SLC24A2: variants seen among roughly 807,000 people sequenced by gnomAD.
The protein encoded by SLC24A2 is sodium/potassium/calcium exchanger 2.
In SLC24A2, 36 loss-of-function variants were observed where a neutral mutation model predicts 62.0. The ratio of observed to expected loss-of-function variants is 0.58; its 90% CI spans 0.44 to 0.77. The LOEUF (loss-of-function observed/expected upper bound fraction) is 0.77, where lower values mean the gene tolerates loss of function less well. SLC24A2 is among the 30% of genes least tolerant of loss of function. The probability of loss-of-function intolerance (pLI) is 0.00; values close to 1 mark genes in which losing one functional copy is unlikely to be tolerated. For missense variants in SLC24A2, 846 were observed against 817.9 expected (o/e 1.03, Z -0.42); for synonymous variants, 358 against 294.0 (o/e 1.22, Z -2.23).
the SLC24A2 span, among the ~76,000 whole-genome samples, chr9:20,115,287 C>A: frequency 6.6e-6 from 1 of 152,066 alleles, no homozygotes; most frequent in African/African-American, 2.4e-5. Flanking sequence ...ACTTTAATTT[C>A]TTCTTTGGTG....
intron 2 of SLC24A2, among the ~76,000 whole-genome samples, chr9:19,664,905 T>A (rs1341391530): frequency 6.6e-6 from 1 of 152,220 alleles, no homozygotes; most frequent in African/African-American, 2.4e-5. Context: ...GATGTCAGAC[T>A]TCTAGCCTAC....
the SLC24A2 span, among the ~76,000 whole-genome samples, chr9:20,249,803 A>C: frequency 2.6e-5 from 4 of 151,992 alleles, no homozygotes; most frequent in African/African-American, 9.7e-5. Flanking sequence ...TATTATTTAT[A>C]ATTGGAAGTG....
intron 2 of SLC24A2, among the ~76,000 whole-genome samples, chr9:19,721,709 G>T (rs1384234641): frequency 2.0e-5 from 3 of 152,094 alleles, no homozygotes; most frequent in African/African-American, 7.2e-5. Context: ...ACTTTCTAAT[G>T]AAACAGTTCT....
chr9:19,550,113 C>T (rs374212191), intron 8 of SLC24A2, 24 bp downstream of exon 8: 1 of 1,611,220 alleles, frequency 6.2e-7, no homozygotes. Flanking sequence ...TACAAGGGAA[C>T]TATTTTTAAA....
At chr9:19,852,192 A>G in the SLC24A2 span, among the ~76,000 whole-genome samples, 1 of 151,970 alleles carries the variant, frequency 6.6e-6, no homozygotes, top group East Asian at 1.9e-4. Context: ...TTTCTTGTAA[A>G]TTTGTTTAAG....
the SLC24A2 span, among the ~76,000 whole-genome samples, chr9:20,097,720 A>ATTTTTTTTTTTTTTTTTTTTTTTTT: frequency 1.4e-5 from 1 of 69,114 alleles, no homozygotes; most frequent in Non-Finnish European, 2.7e-5. Flanking sequence ...ATCTTAAATA[A>ATTTTTTTTTTTTTTTTTTTTTTTTT]TTTTTTTTTT....
chr9:19,842,230 T>A, the SLC24A2 span, among the ~76,000 whole-genome samples: 4 of 152,226 alleles, frequency 2.6e-5, no homozygotes, highest in Non-Finnish European at 5.9e-5. Flanking sequence ...CATCATGGAT[T>A]TCTGTACAGT....
At chr9:20,102,766 C>T in the SLC24A2 span, among the ~76,000 whole-genome samples, 11 of 151,988 alleles carry the variant, frequency 7.2e-5, no homozygotes, top group African/African-American at 1.7e-4. Context: ...CCAGCATGAG[C>T]GACACAGAAG....
chr9:20,053,283 A>C, the SLC24A2 span, among the ~76,000 whole-genome samples: 2 of 151,974 alleles, frequency 1.3e-5, no homozygotes, highest in African/African-American at 2.4e-5. Flanking sequence ...TGCCTGTGCT[A>C]CCTCCTTGGA....
chr9:19,638,650 G>A (rs1447968133), intron 2 of SLC24A2, among the ~76,000 whole-genome samples: 1 of 152,134 alleles, frequency 6.6e-6, no homozygotes, highest in Admixed American at 6.6e-5. Flanking sequence ...ATTTTAAAGA[G>A]TCCTGACTCT....
intron 7 of SLC24A2, among the ~76,000 whole-genome samples, chr9:19,567,136 A>T (rs1835686813): frequency 1.3e-5 from 2 of 150,598 alleles, no homozygotes; most frequent in African/African-American, 4.9e-5. Context: ...AAAAGAACTT[A>T]AAGTATAATA....
chr9:19,559,175 C>A (rs1835270414), intron 7 of SLC24A2, among the ~76,000 whole-genome samples: 1 of 152,078 alleles, frequency 6.6e-6, no homozygotes, highest in East Asian at 1.9e-4. Flanking sequence ...AAAATAATTT[C>A]TTCAAAGACA....
intron 2 of SLC24A2, among the ~76,000 whole-genome samples, chr9:19,731,400 A>C (rs78520760): frequency 0.021 from 3,268 of 152,294 alleles, 121 homozygotes; most frequent in African/African-American, 0.075. Flanking sequence ...ATTTGAAGAT[A>C]GTATAAAGAA....
the SLC24A2 span, among the ~76,000 whole-genome samples, chr9:19,989,630 T>C: frequency 5.9e-5 from 9 of 152,180 alleles, no homozygotes; most frequent in Non-Finnish European, 1.3e-4. Flanking sequence ...TTATAGTTCT[T>C]CCCTTGCTGC....
At chr9:19,689,095 T>C (rs867760469) in intron 2 of SLC24A2, among the ~76,000 whole-genome samples, 6 of 152,164 alleles carry the variant, frequency 3.9e-5, no homozygotes, top group Non-Finnish European at 7.4e-5. Flanking sequence ...CTTTTATTAT[T>C]TCATCACATT....
chr9:19,680,069 GTACT>G (rs1819676369), intron 2 of SLC24A2, among the ~76,000 whole-genome samples: 1 of 152,084 alleles, frequency 6.6e-6, no homozygotes, highest in African/African-American at 2.4e-5. Context: ...CACATACTAA[GTACT>G]TACTGTGTGC....
At chr9:19,573,605 A>G (rs929036676) in intron 6 of SLC24A2, 136 bp from the exon 7 acceptor site, 1 of 775,352 alleles carries the variant, frequency 1.3e-6, no homozygotes. Flanking sequence ...AGAGTTTCCT[A>G]AAATGTTGGG....
the SLC24A2 span, among the ~76,000 whole-genome samples, chr9:20,260,849 C>CTTTTT: frequency 1.2e-4 from 11 of 90,282 alleles, no homozygotes; most frequent in South Asian, 2.1e-3. Context: ...ATCATTCTTT[C>CTTTTT]TTTTTTTTTT....
the SLC24A2 span, among the ~76,000 whole-genome samples, chr9:20,010,269 AC>A: frequency 6.6e-6 from 1 of 152,112 alleles, no homozygotes; most frequent in African/African-American, 2.4e-5. Flanking sequence ...ACCAAAGAAC[AC>A]CTGCAAAAGC....
Sources: gnomAD v4.1 joint callset for allele counts (sites outside exome capture counted in the v4.1 genomes callset) on GRCh38, gnomAD v4.1.1 for gene constraint, MANE v1.5 for transcripts, NCBI Gene and HGNC (gene_info 2026-07-23, HGNC 2026-07-21) for gene names.